The following SH3D19 variants were observed in gnomAD, a reference collection of about 807,000 sequenced individuals.
SH3D19 encodes SH3 domain containing 19.
Under a neutral mutation model 112.1 loss-of-function variants are expected in SH3D19, and 58 were observed. The ratio of observed to expected loss-of-function variants is 0.52; its 90% CI spans 0.42 to 0.64. The LOEUF is 0.64. Ranked by LOEUF, SH3D19 falls within the 30% of genes least tolerant of loss-of-function variation. The pLI is 0.00. For synonymous variants in SH3D19, 391 were observed against 448.5 expected, an observed-to-expected ratio of 0.87 and a Z score of 1.62; for missense variants, 1,090 against 1,263.4, an observed-to-expected ratio of 0.86 and a Z score of 2.08.
chr4:151,261,843 C>T (rs1772401137), intron 1 of SH3D19, among the ~76,000 whole-genome samples: 1 of 152,118 alleles, frequency 6.6e-6, no homozygotes, highest in Non-Finnish European at 1.5e-5. Flanking sequence ...AGTTTTCCCT[C>T]CATACCTGGG....
intron 1 of SH3D19, among the ~76,000 whole-genome samples, chr4:151,287,400 T>C (rs1038309371): frequency 1.3e-5 from 2 of 149,676 alleles, no homozygotes; most frequent in Non-Finnish European, 3.0e-5. Context: ...TCAGTATTAC[T>C]GAGACCAAAA....
chr4:151,197,214 G>T (rs950221806), intron 2 of SH3D19, among the ~76,000 whole-genome samples: 1 of 151,990 alleles, frequency 6.6e-6, no homozygotes, highest in African/African-American at 2.4e-5. Flanking sequence ...AAAAAAAAAA[G>T]AGTTAATCTT....
At chr4:151,133,311 T>G (rs1369711539) in intron 15 of SH3D19, 75 bp from the exon 16 acceptor site, 1 of 1,197,284 alleles carries the variant, frequency 8.4e-7, no homozygotes, top group African/African-American at 1.5e-5. Flanking sequence ...ATTCAGTCTT[T>G]CAATAAATAT....
In SH3D19 at chr4:151,187,420, T is replaced by TA; in HGVS notation, c.193+2dup. Reference sequence around the variant, plus strand: ...AATACAGAGAAGGAAAAAACAAACTTACATCTCTTGATTACCGCTCTAATG... The same window carrying TA: ...AATACAGAGAAGGAAAAAACAAACTTAACATCTCTTGATTACCGCTCTAATG... On this transcript the variant is annotated splice_region_variant and intron_variant, in intron 3 of 19. Coordinates refer to ENST00000604030, the MANE Select transcript of SH3D19 (RefSeq NM_001378122.1). The TA allele has an allele frequency of 8.2e-7, 1 of 1,226,516 alleles. No homozygotes were observed. Among genetic ancestry groups the TA allele is most frequent in the Non-Finnish European group, 1.0e-6 (1 of 982,886 alleles). 76.0% of individuals were successfully genotyped at this position (1,226,516 alleles called of 1,614,324 possible).
At chr4:151,129,786 G>T (rs1034230769) in intron 17 of SH3D19, among the ~76,000 whole-genome samples, 1 of 152,188 alleles carries the variant, frequency 6.6e-6, no homozygotes, top group Admixed American at 6.5e-5. Flanking sequence ...TCATCTTGGG[G>T]TTACTAAGAG....
chr4:151,135,122 G>A lies in SH3D19; in HGVS notation c.2438C>T (p.Pro813Leu). Residue 813 changes from proline (P) to leucine (L), a missense_variant, in exon 15 of 20, where the codon CCA (proline) becomes CTA (leucine). Coordinates refer to ENST00000604030, the MANE Select transcript of SH3D19 (RefSeq NM_001378122.1). ...TTCTCTTTTCCCATTTCCTCCTTCT[G>A]GGATATCAATCTAGCAAAGATAAAA... ...ANYVKVIIDI[P>L]EGGNGKRECV... 1 of 1,601,132 alleles carries A rather than the reference G, an allele frequency of 6.2e-7. No individual in the cohort carries two copies. Among genetic ancestry groups the A allele is most frequent in the Admixed American group, 1.7e-5 (1 of 57,812 alleles).
At chr4:151,165,492 A>C in intron 8 of SH3D19, 97 bp downstream of exon 8, 1 of 934,274 alleles carries the variant, frequency 1.1e-6, no homozygotes. Flanking sequence ...TATGAATGGC[A>C]GATTATACAT....
intron 3 of SH3D19, among the ~76,000 whole-genome samples, chr4:151,179,718 G>T (rs1760529407): frequency 6.6e-6 from 1 of 152,186 alleles, no homozygotes; most frequent in Admixed American, 6.5e-5. Flanking sequence ...GGAGTATTAA[G>T]ATGATGACAT....
At chr4:151,176,745 A>T in intron 5 of SH3D19, 58 bp from the exon 6 acceptor site, 1 of 1,228,736 alleles carries the variant, frequency 8.1e-7, no homozygotes, top group Non-Finnish European at 1.0e-6. Flanking sequence ...AGGTGTTGAC[A>T]GTCTCACTGT....
chr4:151,282,731 T>C (rs1580399688), intron 1 of SH3D19, among the ~76,000 whole-genome samples: 1 of 152,096 alleles, frequency 6.6e-6, no homozygotes, highest in Non-Finnish European at 1.5e-5. Flanking sequence ...TTTTTAACTG[T>C]TTTTCAAGTT....
At chr4:151,304,293 T>C (rs773963754) in intron 1 of SH3D19, among the ~76,000 whole-genome samples, 5 of 152,160 alleles carry the variant, frequency 3.3e-5, no homozygotes, top group Non-Finnish European at 7.3e-5. Flanking sequence ...CAAAAGCTTG[T>C]AGCAACTAAT....
Position 151,201,158 on chromosome 4 carries a change from C to T in SH3D19, c.153-13695G>A, listed in dbSNP as rs886909488. Reference sequence around the variant, plus strand: ...CTGGTTCATGTCAAATTCATGACCTCTAAATAATGAAGATTATAGCCAAAC... The same window carrying T: ...CTGGTTCATGTCAAATTCATGACCTTTAAATAATGAAGATTATAGCCAAAC... On this transcript the variant is annotated intron_variant, in intron 2 of 19. Transcript: ENST00000604030. 4.6e-5 allele frequency among the ~76,000 whole-genome samples: 7 copies of T among 152,284 alleles called. No homozygotes were observed. In the South Asian group the frequency reaches 1.0e-3, roughly 23 times the overall value.
chr4:151,251,647 G>A (rs969758491), intron 1 of SH3D19, among the ~76,000 whole-genome samples: 2 of 152,036 alleles, frequency 1.3e-5, no homozygotes, highest in Non-Finnish European at 2.9e-5. Flanking sequence ...GCTTAAGTTA[G>A]TGATTTCTCA....
chr4:151,136,229 C>G lies in SH3D19; in HGVS notation c.2428-1097G>C, dbSNP rs181431145. 1.3e-4 allele frequency among the ~76,000 whole-genome samples: 20 copies of G among 151,816 alleles called. No individual in the cohort carries two copies. The East Asian group carries it at 3.1e-3, about 23-fold the overall frequency. On this transcript the variant is annotated intron_variant, in intron 14 of 19. Transcript: ENST00000604030. Reference sequence around the variant, plus strand: ...GTGGCGTGATCATGGCTCACTGCAGCCTTGCCCTCCCATGCTCACACCATC... The same window carrying G: ...GTGGCGTGATCATGGCTCACTGCAGGCTTGCCCTCCCATGCTCACACCATC...
At chr4:151,180,563 T>C (rs970257192) in intron 3 of SH3D19, among the ~76,000 whole-genome samples, 12 of 151,548 alleles carry the variant, frequency 7.9e-5, no homozygotes, top group Non-Finnish European at 1.3e-4. Context: ...CCCGCGACCA[T>C]GCCTGGCTAA....
At chr4:151,222,255 C>T (rs2407408) in intron 2 of SH3D19, among the ~76,000 whole-genome samples, 111,485 of 152,182 alleles carry the variant, frequency 0.73, 43,978 homozygotes, top group Non-Finnish European at 0.89. Flanking sequence ...CCACTGTGTC[C>T]TTCTATTTTG....
intron 1 of SH3D19, among the ~76,000 whole-genome samples, chr4:151,268,113 A>T (rs1772949973): frequency 6.6e-6 from 1 of 152,196 alleles, no homozygotes; most frequent in Non-Finnish European, 1.5e-5. Context: ...GATACAGCCA[A>T]CTACACACCT....
At chr4:151,255,681 G>T (rs1309081451) in intron 1 of SH3D19, among the ~76,000 whole-genome samples, 9 of 152,280 alleles carry the variant, frequency 5.9e-5, no homozygotes, top group African/African-American at 2.2e-4. Flanking sequence ...CAGGCGGCTG[G>T]GAGGTGGAGG....
intron 1 of SH3D19, among the ~76,000 whole-genome samples, chr4:151,306,082 C>A (rs1397682068): frequency 1.3e-5 from 2 of 152,082 alleles, no homozygotes; most frequent in Admixed American, 1.3e-4. Context: ...CTAGGAAAGG[C>A]AAAATTATAC....
Sources: allele counts gnomAD v4.1 joint callset (sites outside exome capture counted in the v4.1 genomes callset), GRCh38; gene constraint gnomAD v4.1.1; transcripts MANE v1.5; gene names NCBI Gene and HGNC (gene_info 2026-07-23, HGNC 2026-07-21).